The following FOXP1 variants were observed in gnomAD, a reference collection of about 807,000 sequenced individuals.
The protein encoded by FOXP1 is forkhead box protein P1.
In FOXP1, 15 loss-of-function variants were observed where a neutral mutation model predicts 98.2. That is an observed-to-expected ratio of 0.15 (90% confidence interval 0.10 to 0.24). The LOEUF is 0.24. Among genes scored for constraint, FOXP1 ranks in the 10% least tolerant of loss-of-function variants. The pLI, the probability that FOXP1 is intolerant of heterozygous loss-of-function variation, is 1.00. For missense variants in FOXP1, 633 were observed against 848.5 expected, an observed-to-expected ratio of 0.75 and a Z score of 3.15; for synonymous variants, 371 against 314.5, an observed-to-expected ratio of 1.18 and a Z score of -1.90.
chr3:71,382,294 G>GA (rs577493737), intron 3 of FOXP1, among the ~76,000 whole-genome samples: 6 of 149,066 alleles, frequency 4.0e-5, no homozygotes, highest in African/African-American at 9.9e-5. Flanking sequence ...AGGTGGGGAG[G>GA]AAAAAAAAAC....
intron 3 of FOXP1, among the ~76,000 whole-genome samples, chr3:71,363,654 AACATT>A (rs1001073385): frequency 6.6e-6 from 1 of 152,194 alleles, no homozygotes; most frequent in African/African-American, 2.4e-5. Flanking sequence ...ATGTATGGTA[AACATT>A]TGTCCTCCAT....
intron 3 of FOXP1, among the ~76,000 whole-genome samples, chr3:71,370,809 T>G (rs1299481240): frequency 6.7e-6 from 1 of 150,248 alleles, no homozygotes; most frequent in African/African-American, 2.4e-5. Context: ...TTTTTTTTTT[T>G]TTTTTTTACT....
At chr3:71,176,217 C>T (rs933980102) in intron 6 of FOXP1, among the ~76,000 whole-genome samples, 1 of 152,148 alleles carries the variant, frequency 6.6e-6, no homozygotes, top group African/African-American at 2.4e-5. Context: ...TTTGGGGCAC[C>T]TGGAGAAAGT....
At chr3:71,437,978 T>C (rs1217324556) in intron 3 of FOXP1, among the ~76,000 whole-genome samples, 1 of 152,198 alleles carries the variant, frequency 6.6e-6, no homozygotes, top group Non-Finnish European at 1.5e-5. Context: ...AAAATTAACA[T>C]GGATTGAAAC....
At chr3:70,997,293 G>C (rs1399756488) in intron 13 of FOXP1, among the ~76,000 whole-genome samples, 1 of 152,210 alleles carries the variant, frequency 6.6e-6, no homozygotes, top group African/African-American at 2.4e-5. Flanking sequence ...ATGACTGGTA[G>C]TCAAGTAAGT....
chr3:70,976,238 G>A (rs2037493331), intron 17 of FOXP1, among the ~76,000 whole-genome samples: 1 of 151,800 alleles, frequency 6.6e-6, no homozygotes, highest in Non-Finnish European at 1.5e-5. Context: ...TTTTTTTGTA[G>A]AGACAGGGTC....
chr3:71,578,962 G>A (rs1371824201), intron 2 of FOXP1, among the ~76,000 whole-genome samples: 1 of 152,124 alleles, frequency 6.6e-6, no homozygotes, highest in African/African-American at 2.4e-5. Context: ...TAGCATCCAT[G>A]TGTATGTTTA....
At chr3:71,136,956 A>T (rs1024141685) in intron 6 of FOXP1, among the ~76,000 whole-genome samples, 4 of 152,220 alleles carry the variant, frequency 2.6e-5, no homozygotes, top group African/African-American at 9.6e-5. Context: ...TATCAGCATA[A>T]GGATGTCATG....
At chr3:71,491,686 C>T (rs1306206065) in intron 3 of FOXP1, among the ~76,000 whole-genome samples, 2 of 152,100 alleles carry the variant, frequency 1.3e-5, no homozygotes, top group African/African-American at 2.4e-5. Flanking sequence ...CAAACTGTGG[C>T]AGGAAGTGCC....
intron 6 of FOXP1, among the ~76,000 whole-genome samples, chr3:71,183,152 A>C (rs926809101): frequency 3.3e-5 from 5 of 152,128 alleles, no homozygotes. Flanking sequence ...TCGGTAGGTT[A>C]AATTCCTGGT....
At chr3:71,264,579 T>C (rs974960169) in intron 5 of FOXP1, among the ~76,000 whole-genome samples, 1 of 152,198 alleles carries the variant, frequency 6.6e-6, no homozygotes, top group Non-Finnish European at 1.5e-5. Context: ...ATTTCCTAAT[T>C]GCTTTATCAC....
chr3:70,998,014 A>C (rs908067270), intron 13 of FOXP1, among the ~76,000 whole-genome samples: 2 of 152,170 alleles, frequency 1.3e-5, no homozygotes, highest in African/African-American at 4.8e-5. Flanking sequence ...TGGAGACTAG[A>C]CTGGTTTTAT....
chr3:71,508,849 C>T (rs1359088832), intron 2 of FOXP1, among the ~76,000 whole-genome samples: 1 of 152,158 alleles, frequency 6.6e-6, no homozygotes, highest in Non-Finnish European at 1.5e-5. Flanking sequence ...TCTGAAATCT[C>T]GTGGATGTCA....
intron 2 of FOXP1, among the ~76,000 whole-genome samples, chr3:71,498,950 C>A (rs2041122080): frequency 6.6e-6 from 1 of 152,172 alleles, no homozygotes; most frequent in Non-Finnish European, 1.5e-5. Context: ...GGAAGGAGTT[C>A]ATTTCCCACC....
At chr3:70,974,412 C>G (rs983961990) in intron 17 of FOXP1, among the ~76,000 whole-genome samples, 5 of 152,070 alleles carry the variant, frequency 3.3e-5, no homozygotes, top group Non-Finnish European at 5.9e-5. Flanking sequence ...AGTCTCCTGC[C>G]TTAGCCTCCT....
chr3:71,116,596 C>T (rs2058390682), intron 6 of FOXP1, among the ~76,000 whole-genome samples: 1 of 152,168 alleles, frequency 6.6e-6, no homozygotes, highest in Admixed American at 6.5e-5. Context: ...AGTATGTTAA[C>T]AGAGTAGGAA....
intron 2 of FOXP1, among the ~76,000 whole-genome samples, chr3:71,526,043 TC>T (rs1331077570): frequency 3.9e-5 from 6 of 152,022 alleles, no homozygotes; most frequent in Non-Finnish European, 8.8e-5. Context: ...ACTGCTTGAA[TC>T]CAGGAGACAG....
At chr3:71,471,895 A>G (rs1412300290) in intron 3 of FOXP1, among the ~76,000 whole-genome samples, 1 of 152,216 alleles carries the variant, frequency 6.6e-6, no homozygotes, top group Non-Finnish European at 1.5e-5. Flanking sequence ...ACCCGGCAGC[A>G]TAACACCAGG....
chr3:71,403,589 C>T (rs993153956), intron 3 of FOXP1, among the ~76,000 whole-genome samples: 1 of 152,232 alleles, frequency 6.6e-6, no homozygotes, highest in Non-Finnish European at 1.5e-5. Context: ...TGGCTCATGC[C>T]TGTGATCCCA....
Sources: gnomAD v4.1 joint callset for allele counts (sites outside exome capture counted in the v4.1 genomes callset) on GRCh38, gnomAD v4.1.1 for gene constraint, MANE v1.5 for transcripts, NCBI Gene and HGNC (gene_info 2026-07-23, HGNC 2026-07-21) for gene names.